Variants in LAMB1 observed in about 807,000 individuals in gnomAD.
LAMB1 encodes the protein laminin subunit beta 1, also known as laminin subunit beta-1.
A neutral mutation model predicts 222.3 loss-of-function variants in LAMB1; 121 were observed. The ratio of observed to expected loss-of-function variants is 0.54; its 90% CI spans 0.47 to 0.63. LAMB1 has a LOEUF of 0.63. Ranked by LOEUF, LAMB1 falls within the 30% of genes least tolerant of loss-of-function variation. The pLI is 0.00. For synonymous variants in LAMB1, 794 were observed against 807.2 expected (o/e 0.98, Z 0.28); for missense variants, 2,172 against 2,240.8 (o/e 0.97, Z 0.62).
intron 20 of LAMB1, among the ~76,000 whole-genome samples, chr7:107,956,839 C>T (rs1199676279): frequency 6.6e-6 from 1 of 152,186 alleles, no homozygotes; most frequent in African/African-American, 2.4e-5. Flanking sequence ...TATTAATTCC[C>T]ATATCCAACA....
chr7:107,929,512 C>G lies in LAMB1; in HGVS notation c.4645G>C (p.Glu1549Gln). The G allele has an allele frequency of 6.2e-7, 1 of 1,614,060 alleles. No individual in the cohort carries two copies. Among genetic ancestry groups the G allele is most frequent in the Middle Eastern group, 1.6e-4 (1 of 6,062 alleles). ...QLQNLTEDIR[E>Q]RVESLSQVEV... Reference sequence around the variant, plus strand: ...ACTTGAGAAAGGCTTTCAACTCGTTCACGTATATCTTCTGTCAAGTTCTGT... The same window carrying G: ...ACTTGAGAAAGGCTTTCAACTCGTTGACGTATATCTTCTGTCAAGTTCTGT... The change falls in exon 30 of 34, where the codon GAA becomes CAA. Residue 1549 changes from glutamate to glutamine, a missense_variant. Coordinates refer to ENST00000222399, the MANE Select transcript of LAMB1 (RefSeq NM_002291.3).
In LAMB1 at chr7:107,969,026, C is replaced by T. The variant is rs552528644; in HGVS notation, c.1562+3966G>A. 2.5e-3 allele frequency among the ~76,000 whole-genome samples: 375 copies of T among 152,248 alleles called. 2 individuals are homozygous for T. Among genetic ancestry groups the T allele is most frequent in the African/African-American group, 8.4e-3 (349 of 41,554 alleles). ...ATTTATGGCTGGGTGTGGTGGCTCA[C>T]GCCTGTAATCCCAGCACTTTGGGAG... On this transcript the variant is annotated intron_variant, in intron 13 of 33. Transcript: ENST00000222399.
intron 10 of LAMB1, 47 bp downstream of exon 10, chr7:107,975,642 G>T (rs760790839): frequency 5.0e-5 from 76 of 1,518,580 alleles, no homozygotes; most frequent in Non-Finnish European, 6.4e-5. Flanking sequence ...AGTTTGGAAG[G>T]CAATCTGAAG....
rs774291130 is a variant in LAMB1 at position 107,998,504 on chromosome 7, G to A, written c.214-12C>T. The A allele has an allele frequency of 1.2e-6, 2 of 1,611,632 alleles. No individual in the cohort carries two copies. Among genetic ancestry groups the A allele is most frequent in the South Asian group, 2.2e-5 (2 of 90,502 alleles). On this transcript the variant is annotated splice_polypyrimidine_tract_variant and intron_variant, in intron 3 of 33. Coordinates refer to ENST00000222399, the MANE Select transcript of LAMB1 (RefSeq NM_002291.3). ...CATTTTTTGTCCTCCTACAAACAAA[G>A]TTGAGTTCATCAGTCTAGAAAGCAA... is the stretch of plus-strand genomic sequence containing the variant.
intron 21 of LAMB1, among the ~76,000 whole-genome samples, chr7:107,954,669 T>TA (rs2033337797): frequency 6.6e-6 from 1 of 152,174 alleles, no homozygotes; most frequent in South Asian, 2.1e-4. Context: ...CAGGTGCCTG[T>TA]AGCCCCAGCT....
At chr7:107,938,362 TTA>T (rs971763734) in intron 25 of LAMB1, among the ~76,000 whole-genome samples, 1 of 152,200 alleles carries the variant, frequency 6.6e-6, no homozygotes, top group African/African-American at 2.4e-5. Flanking sequence ...CTTTTATTAA[TTA>T]TATGACTCAC....
chr7:107,960,868 T>A (rs769367126), intron 17 of LAMB1, among the ~76,000 whole-genome samples: 1 of 152,206 alleles, frequency 6.6e-6, no homozygotes, highest in Non-Finnish European at 1.5e-5. Flanking sequence ...TGCTATTTAT[T>A]TTTATTTTAG....
rs775999840 is a variant in LAMB1 at position 107,962,962 on chromosome 7, G to A, written c.1800C>T (p.Phe600=). The A allele has an allele frequency of 1.1e-5, 18 of 1,613,942 alleles. No individual in the cohort carries two copies. In the Admixed American group the frequency reaches 2.8e-4, roughly 25 times the overall value. The change falls in exon 15 of 34, where the codon TTC becomes TTT. Residue 600 remains phenylalanine, a synonymous_variant. Coordinates refer to ENST00000222399, the MANE Select transcript of LAMB1 (RefSeq NM_002291.3). ...CCATGGAATATGGTATGTTGTCAATGAAAAACTCCAAATAAGCCCCTTCAG... is the reference window on the plus strand; with the variant it reads ...CCATGGAATATGGTATGTTGTCAATAAAAAACTCCAAATAAGCCCCTTCAG... ...RVPEGAYLEF[F]IDNIPYSMEY... is the part of the protein sequence containing the mutation.
At position 107,978,106 on chromosome 7, in the gene LAMB1, T is replaced by C. The variant is rs2033903901; in HGVS notation, c.941A>G (p.Asp314Gly). Residue 314 changes from aspartate to glycine, a missense_variant, in exon 9 of 34, where the codon GAT becomes GGT. Physicochemically the swap from Asp to Gly is moderately conservative, Grantham distance 94. Coordinates refer to ENST00000222399, the MANE Select transcript of LAMB1 (RefSeq NM_002291.3). ...TCTCCAAGGTAAATCATGGTAGAAA[T>C]CCATGCAGAGTTCACAGTTTAAGCC... ...TKGLNCELCMDFYHDLPWRPA... is the reference protein window; with the variant it reads ...TKGLNCELCMGFYHDLPWRPA... 6.2e-7 allele frequency: 1 copy of C among 1,614,006 alleles called. No homozygotes were observed. The highest frequency in any genetic ancestry group is 8.5e-7 in the Non-Finnish European group (1 of 1,179,896).
In LAMB1 at chr7:107,976,389, A is replaced by G. The variant is rs138656864; in HGVS notation, c.1001-512T>C. Among the ~76,000 whole-genome samples the G allele has an allele frequency of 3.8e-3, 581 of 152,288 alleles. 6 individuals are homozygous for G. The highest frequency in any genetic ancestry group is 0.013 in the African/African-American group (538 of 41,572). On this transcript the variant is annotated intron_variant, in intron 9 of 33. Coordinates refer to ENST00000222399, the MANE Select transcript of LAMB1 (RefSeq NM_002291.3). Reference sequence around the variant, plus strand: ...CCACCACACCAGGCCAGGCCATAGTAAGGAAGGTAGGTCTGTTTAACAGCC... The same window carrying G: ...CCACCACACCAGGCCAGGCCATAGTGAGGAAGGTAGGTCTGTTTAACAGCC...
In LAMB1 at chr7:107,924,312, A is replaced by G. The variant is rs754385972; in HGVS notation, c.5142T>C (p.Asp1714=). Residue 1714 remains aspartate, a synonymous_variant, in exon 33 of 34, where the codon GAT becomes GAC. Coordinates refer to ENST00000222399, the MANE Select transcript of LAMB1 (RefSeq NM_002291.3). ...LIAKKTEESA[D]ARRKAEMLQN... is the part of the protein sequence containing the mutation. ...GTAGCATTTCGGCTTTCCTTCTGGCATCAGCTGACTCTTCAGTTTTTTTGG... is the reference window on the plus strand; with the variant it reads ...GTAGCATTTCGGCTTTCCTTCTGGCGTCAGCTGACTCTTCAGTTTTTTTGG... The G allele has an allele frequency of 6.2e-6, 10 of 1,613,220 alleles. No individual in the cohort carries two copies. Among genetic ancestry groups the G allele is most frequent in the Non-Finnish European group, 8.5e-6 (10 of 1,179,566 alleles).
intron 31 of LAMB1, among the ~76,000 whole-genome samples, 180 bp from the exon 32 acceptor site, chr7:107,926,539 A>G (rs1404243216): frequency 6.6e-6 from 1 of 152,232 alleles, no homozygotes; most frequent in Non-Finnish European, 1.5e-5. Context: ...AGTCTTTGCT[A>G]CATTTCATAT....
chr7:107,971,903 A>T (rs1437955890), intron 13 of LAMB1, among the ~76,000 whole-genome samples: 1 of 152,204 alleles, frequency 6.6e-6, no homozygotes, highest in African/African-American at 2.4e-5. Flanking sequence ...CTTTTATCTC[A>T]TCAAGAAGGA....
At chr7:107,950,780 C>T (rs560724715) in intron 24 of LAMB1, among the ~76,000 whole-genome samples, 1 of 152,312 alleles carries the variant, frequency 6.6e-6, no homozygotes. Context: ...CTAGGATAAC[C>T]ATTTACCTCT....
At chr7:107,960,763 A>C in intron 17 of LAMB1, 114 bp from the exon 18 acceptor site, 1 of 768,216 alleles carries the variant, frequency 1.3e-6, no homozygotes, top group South Asian at 1.7e-5. Context: ...AACAGAAATC[A>C]TTAGACTCAT....
intron 8 of LAMB1, among the ~76,000 whole-genome samples, chr7:107,980,367 T>A (rs1488847442): frequency 6.6e-6 from 1 of 152,230 alleles, no homozygotes; most frequent in Non-Finnish European, 1.5e-5. Flanking sequence ...AGCAATAGCC[T>A]GAAGCAACAA....
intron 7 of LAMB1, among the ~76,000 whole-genome samples, chr7:107,983,751 C>T (rs555736916): frequency 1.5e-4 from 23 of 151,944 alleles, no homozygotes; most frequent in African/African-American, 5.1e-4. Context: ...CTCCTGACCT[C>T]GTGATCCACC....
intron 4 of LAMB1, among the ~76,000 whole-genome samples, chr7:107,996,218 C>A (rs987545101): frequency 2.6e-5 from 4 of 152,062 alleles, no homozygotes; most frequent in Admixed American, 1.3e-4. Flanking sequence ...ATTTCTGTAA[C>A]CTAAGAACAT....
chr7:107,955,615 G>A lies in LAMB1; in HGVS notation c.2706C>T (p.Tyr902=), dbSNP rs1204159264. 21 of 1,612,772 alleles carry A rather than the reference G, an allele frequency of 1.3e-5. No homozygotes were observed. Among genetic ancestry groups the A allele is most frequent in the Non-Finnish European group, 1.8e-5 (21 of 1,179,480 alleles). The part of the protein sequence containing the change: ...GHNCERCLAG[Y]YGDPIIGSGD... The stretch of plus-strand genomic sequence containing the variant: ...CTGACCCAATGATGGGGTCGCCATA[G>A]TAACCAGCCAAGCACCTGCATCAGT... Residue 902 remains tyrosine, a synonymous_variant, in exon 21 of 34, where the codon TAC becomes TAT. Coordinates refer to ENST00000222399, the MANE Select transcript of LAMB1 (RefSeq NM_002291.3).
Sources: gnomAD v4.1 joint callset for allele counts (sites outside exome capture counted in the v4.1 genomes callset) on GRCh38, gnomAD v4.1.1 for gene constraint, MANE v1.5 for transcripts, NCBI Gene and HGNC (gene_info 2026-07-23, HGNC 2026-07-21) for gene names.